The following AFG2A variants were observed in gnomAD, a reference collection of about 807,000 sequenced individuals.
AFG2A encodes ATPase family gene 2 protein homolog A.
At chr4:123,271,390 G>T in the AFG2A span, among the ~76,000 whole-genome samples, 1 of 152,126 alleles carries the variant, frequency 6.6e-6, no homozygotes, top group Non-Finnish European at 1.5e-5. Flanking sequence ...ATCTGTTGGG[G>T]TTTTTTCGTT....
At chr4:123,249,336 CCAAGTT>C in the AFG2A span, among the ~76,000 whole-genome samples, 1 of 152,140 alleles carries the variant, frequency 6.6e-6, no homozygotes, top group African/African-American at 2.4e-5. Context: ...CTAAGCAAGT[CCAAGTT>C]CAAGTATAGC....
the AFG2A span, among the ~76,000 whole-genome samples, chr4:122,977,426 G>A: frequency 6.6e-6 from 1 of 152,244 alleles, no homozygotes; most frequent in Admixed American, 6.5e-5. Context: ...CTCTGTGTGA[G>A]GATGTGGCTG....
chr4:123,240,698 C>T, the AFG2A span, among the ~76,000 whole-genome samples: 2 of 151,892 alleles, frequency 1.3e-5, no homozygotes, highest in African/African-American at 2.4e-5. Context: ...CTAAAATTGA[C>T]ACCCTGACAT....
At chr4:123,313,785 A>G in the AFG2A span, 3 of 1,080,970 alleles carry the variant, frequency 2.8e-6, no homozygotes, top group Non-Finnish European at 3.8e-6. Context: ...ATGGGCATTT[A>G]GTTGTAGAAG....
At chr4:123,289,906 G>A in the AFG2A span, among the ~76,000 whole-genome samples, 1 of 151,782 alleles carries the variant, frequency 6.6e-6, no homozygotes, top group Non-Finnish European at 1.5e-5. Flanking sequence ...TGTTGTGCAG[G>A]TTACATAGGT....
chr4:123,243,527 C>T, the AFG2A span, among the ~76,000 whole-genome samples: 1 of 152,024 alleles, frequency 6.6e-6, no homozygotes, highest in East Asian at 1.9e-4. Context: ...TGTTCTCACT[C>T]ATAGGTGGGA....
chr4:122,928,476 C>G, the AFG2A span, among the ~76,000 whole-genome samples: 1 of 152,126 alleles, frequency 6.6e-6, no homozygotes. Flanking sequence ...CCCTCCTATT[C>G]TTTTCATTTT....
the AFG2A span, among the ~76,000 whole-genome samples, chr4:123,192,790 A>G: frequency 6.6e-6 from 1 of 152,212 alleles, no homozygotes; most frequent in Non-Finnish European, 1.5e-5. Context: ...TTTTGCCCAC[A>G]GGCAGTATAT....
chr4:123,017,819 A>G, the AFG2A span, among the ~76,000 whole-genome samples: 2 of 152,150 alleles, frequency 1.3e-5, no homozygotes, highest in African/African-American at 4.8e-5. Context: ...CATTTTCTCT[A>G]AAATAATACT....
the AFG2A span, among the ~76,000 whole-genome samples, chr4:123,313,513 C>T: frequency 2.0e-5 from 3 of 152,212 alleles, no homozygotes; most frequent in Admixed American, 6.5e-5. Flanking sequence ...CGTTGGCTCC[C>T]GCCTCCCTCC....
the AFG2A span, among the ~76,000 whole-genome samples, chr4:123,293,306 C>T: frequency 6.6e-6 from 1 of 152,126 alleles, no homozygotes; most frequent in African/African-American, 2.4e-5. Context: ...GAATGACAGT[C>T]TTTCTACCAC....
the AFG2A span, among the ~76,000 whole-genome samples, chr4:123,295,137 G>T: frequency 6.6e-6 from 1 of 152,200 alleles, no homozygotes; most frequent in African/African-American, 2.4e-5. Flanking sequence ...ATCACCAGAA[G>T]ACTGAGTGTG....
chr4:123,021,453 A>G, the AFG2A span, among the ~76,000 whole-genome samples: 2 of 152,126 alleles, frequency 1.3e-5, no homozygotes, highest in South Asian at 2.1e-4. Context: ...CATTAAGTCT[A>G]CTTCCTTGCT....
the AFG2A span, among the ~76,000 whole-genome samples, chr4:123,108,315 C>G: frequency 6.6e-6 from 1 of 151,678 alleles, no homozygotes; most frequent in East Asian, 1.9e-4. Flanking sequence ...CAACAAAAAT[C>G]AGTTATGTGT....
At chr4:123,284,198 G>C in the AFG2A span, among the ~76,000 whole-genome samples, 1 of 152,102 alleles carries the variant, frequency 6.6e-6, no homozygotes, top group Non-Finnish European at 1.5e-5. Context: ...TTAGATCTTG[G>C]TACATTTTTT....
At chr4:123,161,824 A>C in the AFG2A span, among the ~76,000 whole-genome samples, 6 of 152,218 alleles carry the variant, frequency 3.9e-5, no homozygotes, top group Non-Finnish European at 8.8e-5. Context: ...AATAAAAATA[A>C]GACAAGGATA....
the AFG2A span, among the ~76,000 whole-genome samples, chr4:123,289,728 G>C: frequency 6.6e-6 from 1 of 152,092 alleles, no homozygotes; most frequent in Non-Finnish European, 1.5e-5. Context: ...ATTCTGACCG[G>C]GGTAAGATGA....
At chr4:123,028,750 CA>C in the AFG2A span, among the ~76,000 whole-genome samples, 3 of 151,998 alleles carry the variant, frequency 2.0e-5, no homozygotes, top group African/African-American at 7.3e-5. Context: ...ACAGTGAATT[CA>C]ATATTTACAT....
chr4:123,017,155 A>G, the AFG2A span, among the ~76,000 whole-genome samples: 2 of 68,846 alleles, frequency 2.9e-5, no homozygotes, highest in Admixed American at 1.6e-4. Flanking sequence ...GAGAGGGGGG[A>G]GAGGGAAGGG....
Sources: allele counts gnomAD v4.1 joint callset (sites outside exome capture counted in the v4.1 genomes callset), GRCh38; gene constraint gnomAD v4.1.1; transcripts MANE v1.5; gene names NCBI Gene and HGNC (gene_info 2026-07-23, HGNC 2026-07-21).